SNX29: variants seen among roughly 807,000 people sequenced by gnomAD.
SNX29 encodes sorting nexin 29.
In SNX29, 78 loss-of-function variants were observed where a neutral mutation model predicts 102.1. The ratio of observed to expected loss-of-function variants is 0.76; its 90% CI spans 0.64 to 0.92. The LOEUF (loss-of-function observed/expected upper bound fraction) is 0.92. SNX29 is among the 40% of genes least tolerant of loss of function. SNX29 has a pLI of 0.00. For missense variants in SNX29, 1,280 were observed against 1,061.7 expected (o/e 1.21, Z -2.86); for synonymous variants, 580 against 414.5 (o/e 1.40, Z -4.85).
intron 20 of SNX29, among the ~76,000 whole-genome samples, chr16:12,566,431 C>G (rs921454674): frequency 4.9e-3 from 20 of 4,122 alleles, no homozygotes; most frequent in African/African-American, 0.02. Flanking sequence ...GGGCCTCTCC[C>G]CCCAAGCTCT....
intron 15 of SNX29, among the ~76,000 whole-genome samples, chr16:12,308,348 G>T (rs562543676): frequency 1.3e-5 from 2 of 152,192 alleles, no homozygotes; most frequent in Admixed American, 1.3e-4. Flanking sequence ...TTCCCTCATG[G>T]GGTGTGGGGT....
chr16:12,545,244 C>G (rs923388396), intron 20 of SNX29, among the ~76,000 whole-genome samples: 1 of 152,350 alleles, frequency 6.6e-6, no homozygotes, highest in East Asian at 1.9e-4. Context: ...CCTCTGTTCT[C>G]AAGTGGCTCC....
At chr16:12,105,704 G>C (rs2053206551) in intron 11 of SNX29, among the ~76,000 whole-genome samples, 1 of 152,160 alleles carries the variant, frequency 6.6e-6, no homozygotes, top group Non-Finnish European at 1.5e-5. Flanking sequence ...TGTTTCCAGG[G>C]TCTCCTAGCC....
intron 13 of SNX29, among the ~76,000 whole-genome samples, chr16:12,193,466 T>C (rs1432631944): frequency 3.1e-5 from 1 of 32,462 alleles, no homozygotes; most frequent in African/African-American, 3.9e-5. Context: ...TGAAACTCCA[T>C]CTTCAAAAAA....
intron 19 of SNX29, among the ~76,000 whole-genome samples, chr16:12,503,893 T>C (rs2089244734): frequency 6.6e-6 from 1 of 152,216 alleles, no homozygotes; most frequent in African/African-American, 2.4e-5. Flanking sequence ...AAAAAAGTTT[T>C]ATTAAGATAA....
At position 12,570,495 on chromosome 16, in the gene SNX29, C is replaced by G. The variant is rs193148810; in HGVS notation, c.*1866C>G. 1 of 233,216 alleles carries G rather than the reference C, an allele frequency of 4.3e-6. No homozygotes were observed. The highest frequency in any genetic ancestry group is 8.5e-6 in the Non-Finnish European group (1 of 118,172). 14.4% of individuals were successfully genotyped at this position (233,216 alleles called of 1,614,324 possible). A position where few individuals can be genotyped will look rare whatever the true frequency, so the allele number is the denominator to read the frequency against. The stretch of plus-strand genomic sequence containing the variant: ...GCTCAATCTGCTGTATGTCATGACC[C>G]CTTAGGTTGGGTTTATGCCACATCG... On this transcript the variant is annotated 3_prime_UTR_variant, in exon 21 of 21. Transcript: ENST00000566228.
At chr16:12,118,112 G>T (rs543228588) in intron 11 of SNX29, among the ~76,000 whole-genome samples, 175 of 151,642 alleles carry the variant, frequency 1.2e-3, no homozygotes, top group African/African-American at 4.2e-3. Context: ...TAAAAACAAA[G>T]AAAAAAAACT....
intron 15 of SNX29, among the ~76,000 whole-genome samples, chr16:12,321,907 A>G (rs1200568887): frequency 1.3e-5 from 2 of 152,150 alleles, no homozygotes; most frequent in African/African-American, 2.4e-5. Flanking sequence ...CCCAGCGTGG[A>G]TGAGCTTTGG....
chr16:12,127,755 CCTGT>C (rs2054281170), intron 12 of SNX29, among the ~76,000 whole-genome samples: 2 of 152,260 alleles, frequency 1.3e-5, no homozygotes, highest in African/African-American at 4.8e-5. Context: ...TAATCAAAGG[CCTGT>C]CTATCTACCA....
intron 14 of SNX29, among the ~76,000 whole-genome samples, chr16:12,211,896 T>A (rs541042102): frequency 6.6e-6 from 1 of 152,348 alleles, no homozygotes; most frequent in African/African-American, 2.4e-5. Flanking sequence ...CAATGACATT[T>A]AGACTGGTGT....
At chr16:12,014,074 G>C (rs2056768508) in intron 3 of SNX29, among the ~76,000 whole-genome samples, 1 of 152,066 alleles carries the variant, frequency 6.6e-6, no homozygotes, top group African/African-American at 2.4e-5. Context: ...TGAGACTCCA[G>C]GTGCATGCCA....
At chr16:12,518,413 G>A (rs1408173436) in intron 19 of SNX29, among the ~76,000 whole-genome samples, 1 of 152,152 alleles carries the variant, frequency 6.6e-6, no homozygotes, top group African/African-American at 2.4e-5. Flanking sequence ...GTTTCTTCTT[G>A]CATTTGCTGT....
intron 19 of SNX29, among the ~76,000 whole-genome samples, chr16:12,506,240 C>T (rs1291106138): frequency 2.0e-5 from 3 of 152,132 alleles, no homozygotes; most frequent in African/African-American, 4.8e-5. Context: ...GGATTACAGG[C>T]GTGAGCCACC....
chr16:12,568,500 T>G lies in SNX29; in HGVS notation c.2319-6T>G. ...ACTTAACCCGATTCTCTCCCTGCTC[T>G]TTCAGCGACATCACCCCGCCCGGAG... On this transcript the variant is annotated splice_polypyrimidine_tract_variant and splice_region_variant and intron_variant, in intron 20 of 20. Coordinates refer to ENST00000566228, the MANE Select transcript of SNX29 (RefSeq NM_032167.5). The G allele has an allele frequency of 1.9e-6, 3 of 1,609,614 alleles. No homozygotes were observed. The highest frequency in any genetic ancestry group is 2.5e-6 in the Non-Finnish European group (3 of 1,179,822).
intron 9 of SNX29, among the ~76,000 whole-genome samples, chr16:12,068,574 C>A (rs370941897): frequency 1.3e-5 from 2 of 151,720 alleles, no homozygotes; most frequent in Non-Finnish European, 2.9e-5. Context: ...AATGGAGCTT[C>A]GCTCTTGTTG....
chr16:12,013,030 TG>T (rs2056706817), intron 3 of SNX29, among the ~76,000 whole-genome samples: 2 of 121,874 alleles, frequency 1.6e-5, no homozygotes, highest in African/African-American at 3.2e-5. Flanking sequence ...TGGAGGTGGG[TG>T]GGGTGAGATG....
At chr16:12,501,528 C>G (rs1382522075) in intron 19 of SNX29, among the ~76,000 whole-genome samples, 1 of 151,968 alleles carries the variant, frequency 6.6e-6, no homozygotes, top group Non-Finnish European at 1.5e-5. Context: ...TCAAGACCAG[C>G]CTGGCCAACG....
At chr16:12,156,859 C>G (rs2141631960) in intron 13 of SNX29, among the ~76,000 whole-genome samples, 1 of 152,306 alleles carries the variant, frequency 6.6e-6, no homozygotes, top group South Asian at 2.1e-4. Context: ...TCCCCTGGAG[C>G]TCGGGTGTGT....
At chr16:12,006,222 A>G (rs1485879716) in intron 3 of SNX29, among the ~76,000 whole-genome samples, 1 of 150,894 alleles carries the variant, frequency 6.6e-6, no homozygotes, top group Admixed American at 6.6e-5. Flanking sequence ...TAATAATAAT[A>G]ATAATAATAA....
Sources: gnomAD v4.1 joint callset for allele counts (sites outside exome capture counted in the v4.1 genomes callset) on GRCh38, gnomAD v4.1.1 for gene constraint, MANE v1.5 for transcripts, NCBI Gene and HGNC (gene_info 2026-07-23, HGNC 2026-07-21) for gene names.